HIVEP1: variants seen among roughly 807,000 people sequenced by gnomAD.
HIVEP1 encodes the protein HIVEP zinc finger 1, also known as zinc finger protein 40.
HIVEP1 carries 36 observed loss-of-function variants against 180.0 expected under a neutral mutation model. That is an observed-to-expected ratio of 0.20 (90% CI 0.15 to 0.26). The LOEUF (loss-of-function observed/expected upper bound fraction) is 0.26. HIVEP1 is among the 10% of genes least tolerant of loss of function. The pLI is 1.00. For synonymous variants in HIVEP1, 1,239 were observed against 1,239.0 expected, an observed-to-expected ratio of 1.00 and a Z score of 0.00; for missense variants, 3,143 against 3,268.7, an observed-to-expected ratio of 0.96 and a Z score of 0.94.
the HIVEP1 span, among the ~76,000 whole-genome samples, chr6:12,198,204 A>G: frequency 7.2e-5 from 11 of 152,172 alleles, no homozygotes; most frequent in East Asian, 5.8e-4. Flanking sequence ...ACGTCTTTAT[A>G]TGGATATCAT....
intron 2 of HIVEP1, among the ~76,000 whole-genome samples, chr6:12,088,656 GTCC>G (rs1263013946): frequency 2.0e-5 from 3 of 152,044 alleles, no homozygotes; most frequent in African/African-American, 7.2e-5. Context: ...GCAGTACTCT[GTCC>G]TCATACTTCA....
intron 2 of HIVEP1, among the ~76,000 whole-genome samples, chr6:12,079,801 A>G (rs1279003501): frequency 1.3e-5 from 2 of 152,310 alleles, no homozygotes; most frequent in Admixed American, 6.5e-5. Flanking sequence ...TGTAATAGAA[A>G]TTAATACAAC....
At chr6:12,152,644 T>A (rs1037838875) in intron 7 of HIVEP1, among the ~76,000 whole-genome samples, 7 of 152,234 alleles carry the variant, frequency 4.6e-5, no homozygotes, top group African/African-American at 1.4e-4. Context: ...GTTTTTAAAC[T>A]TTGACAGTGG....
At chr6:12,144,600 G>T (rs572250495) in intron 7 of HIVEP1, among the ~76,000 whole-genome samples, 1 of 152,048 alleles carries the variant, frequency 6.6e-6, no homozygotes, top group Non-Finnish European at 1.5e-5. Flanking sequence ...TATGGAATGG[G>T]AGAAAATTTT....
At chr6:12,011,270 T>G (rs1419600866), upstream of HIVEP1, among the ~76,000 whole-genome samples, 151 of 71,580 alleles carry the variant, frequency 2.1e-3, no homozygotes, top group Admixed American at 4.0e-3. Context: ...CCCCTTGGGG[T>G]CCCCCCCCCC....
In HIVEP1 at chr6:12,164,639, G is replaced by A. The variant is rs189727381; in HGVS notation, c.*178G>A. 246 of 568,380 alleles carry A rather than the reference G, an allele frequency of 4.3e-4. 2 individuals carry two copies. Among genetic ancestry groups the A allele is most frequent in the Middle Eastern group, 1.8e-3 (4 of 2,182 alleles). 35.2% of individuals were successfully genotyped at this position (568,380 alleles called of 1,614,324 possible). A position where few individuals can be genotyped will look rare whatever the true frequency, so the allele number is the denominator to read the frequency against. The stretch of plus-strand genomic sequence containing the variant: ...AGCTCCAGCCATTTTTGTACATGTT[G>A]TATAGACAATTGTGCCTTTTAGGAG... On this transcript the variant is annotated 3_prime_UTR_variant, in exon 9 of 9. Coordinates refer to ENST00000379388, the MANE Select transcript of HIVEP1 (RefSeq NM_002114.4).
chr6:12,010,975 A>G (rs1767245762), upstream of HIVEP1, among the ~76,000 whole-genome samples: 1 of 151,760 alleles, frequency 6.6e-6, no homozygotes, highest in South Asian at 2.1e-4. Flanking sequence ...TTGGCCCTAT[A>G]AGCTGTCAGG....
At chr6:12,108,833 T>G (rs1018779041) in intron 3 of HIVEP1, among the ~76,000 whole-genome samples, 5 of 152,094 alleles carry the variant, frequency 3.3e-5, no homozygotes, top group Non-Finnish European at 5.9e-5. Context: ...AGAAAGGGGC[T>G]CCCACAGTGC....
chr6:12,016,967 A>T (rs919914126), intron 2 of HIVEP1, among the ~76,000 whole-genome samples: 2 of 152,204 alleles, frequency 1.3e-5, no homozygotes, highest in Admixed American at 1.3e-4. Context: ...AGTGCAGCAT[A>T]CAGATGAGCA....
chr6:12,122,953 A>C lies in HIVEP1; in HGVS notation c.3158A>C (p.Lys1053Thr), dbSNP rs146702858. 2.8e-4 allele frequency: 458 copies of C among 1,613,930 alleles called. No homozygotes were observed. Among genetic ancestry groups the C allele is most frequent in the Middle Eastern group, 1.7e-3 (10 of 6,058 alleles). The change falls in exon 4 of 9, where the codon AAA becomes ACA. Residue 1053 changes from lysine to threonine, a missense_variant. Transcript: ENST00000379388. ...LQQNESGTSP[K>T]SSEGLQFQNA... The stretch of plus-strand genomic sequence containing the variant: ...CAAAATGAAAGTGGAACATCTCCAA[A>C]AAGTTCTGAAGGCCTTCAGTTTCAG...
At chr6:12,053,928 A>G (rs1258371054) in intron 2 of HIVEP1, among the ~76,000 whole-genome samples, 1 of 152,260 alleles carries the variant, frequency 6.6e-6, no homozygotes, top group East Asian at 1.9e-4. Context: ...GACAAATAGG[A>G]TAACAGAAAG....
At chr6:12,166,584 C>G (rs898241854), downstream of HIVEP1, among the ~76,000 whole-genome samples, 1 of 152,186 alleles carries the variant, frequency 6.6e-6, no homozygotes, top group African/African-American at 2.4e-5. Context: ...TTACCAAAGT[C>G]TAAGCCATTA....
intron 2 of HIVEP1, 101 bp downstream of exon 2, chr6:12,015,769 C>G: frequency 1.9e-6 from 2 of 1,030,290 alleles, no homozygotes; most frequent in South Asian, 2.7e-5. Context: ...TTGACCCTGC[C>G]TGGTGAGGAG....
chr6:12,042,292 A>C (rs1769816807), intron 2 of HIVEP1, among the ~76,000 whole-genome samples: 2 of 148,820 alleles, frequency 1.3e-5, no homozygotes, highest in South Asian at 4.2e-4. Context: ...CTTGTTAGCC[A>C]GGATGGTCTC....
chr6:12,134,084 C>T (rs2113581192), intron 6 of HIVEP1, among the ~76,000 whole-genome samples: 2 of 152,102 alleles, frequency 1.3e-5, no homozygotes, highest in Middle Eastern at 6.8e-3. Flanking sequence ...AAATTTCAAC[C>T]ACAGTAAGAT....
intron 3 of HIVEP1, among the ~76,000 whole-genome samples, chr6:12,105,993 CATAT>C (rs1005208903): frequency 1.3e-5 from 2 of 150,888 alleles, no homozygotes; most frequent in Non-Finnish European, 3.0e-5. Context: ...TACATATATA[CATAT>C]ATATATACAC....
At chr6:12,016,465 A>G (rs1457183410) in intron 2 of HIVEP1, among the ~76,000 whole-genome samples, 2 of 152,184 alleles carry the variant, frequency 1.3e-5, no homozygotes, top group Non-Finnish European at 2.9e-5. Flanking sequence ...ACCATTACAG[A>G]AAAAAAATTC....
intron 2 of HIVEP1, among the ~76,000 whole-genome samples, chr6:12,040,335 T>C (rs1769595053): frequency 6.6e-6 from 1 of 152,234 alleles, no homozygotes; most frequent in South Asian, 2.1e-4. Flanking sequence ...TTGTGTAATT[T>C]TCTCTAAGAG....
At chr6:12,154,958 A>G (rs1001487515) in intron 7 of HIVEP1, among the ~76,000 whole-genome samples, 1 of 150,802 alleles carries the variant, frequency 6.6e-6, no homozygotes, top group Non-Finnish European at 1.5e-5. Context: ...GCCTTTCTCT[A>G]TTTTTCTTTT....
Sources: allele counts gnomAD v4.1 joint callset (sites outside exome capture counted in the v4.1 genomes callset), GRCh38; gene constraint gnomAD v4.1.1; transcripts MANE v1.5; gene names NCBI Gene and HGNC (gene_info 2026-07-23, HGNC 2026-07-21).